ACADM: variants seen among roughly 807,000 people sequenced by gnomAD.
The protein encoded by ACADM is medium-chain specific acyl-CoA dehydrogenase, mitochondrial.
Under a neutral mutation model 58.9 loss-of-function variants are expected in ACADM, and 49 were observed. The observed-to-expected ratio is 0.83, with a 90% CI of 0.66 to 1.06. ACADM has a LOEUF of 1.06. Among genes scored for constraint, ACADM ranks in the 50% least tolerant of loss-of-function variants. ACADM has a pLI of 0.00. For synonymous variants in ACADM, 160 were observed against 157.7 expected (o/e 1.01, Z -0.11); for missense variants, 496 against 507.0 (o/e 0.98, Z 0.21).
At chr1:75,729,258 A>G (rs1245877224) in intron 2 of ACADM, among the ~76,000 whole-genome samples, 1 of 138,538 alleles carries the variant, frequency 7.2e-6, no homozygotes, top group African/African-American at 2.7e-5. Context: ...CCAGAATTTA[A>G]TGAAATTTTT....
chr1:75,751,667 T>G (rs543148635), intron 10 of ACADM, among the ~76,000 whole-genome samples: 1 of 151,876 alleles, frequency 6.6e-6, no homozygotes, highest in South Asian at 2.1e-4. Context: ...CCCAGCAAAT[T>G]TTGATATTTT....
intron 2 of ACADM, 43 bp downstream of exon 2, chr1:75,728,531 T>C (rs756047234): frequency 3.8e-6 from 5 of 1,313,760 alleles, no homozygotes; most frequent in East Asian, 2.5e-5. Flanking sequence ...CTTATACATA[T>C]GAAGCTTTAT....
chr1:75,760,020 C>T (rs575636612), intron 10 of ACADM, among the ~76,000 whole-genome samples: 1 of 151,886 alleles, frequency 6.6e-6, no homozygotes, highest in South Asian at 2.1e-4. Flanking sequence ...ACCTGTAATC[C>T]TAGCATTTTG....
rs796117827 is a variant in ACADM at position 75,728,544 on chromosome 1, GT to G, written c.118+60del. 1,251,996 of 1,252,014 alleles carry G rather than the reference GT, an allele frequency of 1. 625,989 individuals carry two copies. Among genetic ancestry groups the G allele is most frequent in the Middle Eastern group, 1 (5,366 of 5,366 alleles). 77.6% of individuals were successfully genotyped at this position (1,252,014 alleles called of 1,614,324 possible). On this transcript the variant is annotated intron_variant, in intron 2 of 11. Coordinates refer to ENST00000370841, the MANE Select transcript of ACADM (RefSeq NM_000016.6). Reference sequence around the variant, plus strand: ...AACTTATACATATGAAGCTTTATATGTTTTGTTTGGAATATGTTTGTAAATA... The same window carrying G: ...AACTTATACATATGAAGCTTTATATGTTTGTTTGGAATATGTTTGTAAATA...
chr1:75,756,847 G>A (rs553759961), intron 10 of ACADM, among the ~76,000 whole-genome samples: 13 of 152,212 alleles, frequency 8.5e-5, no homozygotes, highest in East Asian at 1.9e-4. Context: ...GCATGGTACT[G>A]GTACCAAAAC....
At chr1:75,730,043 G>A (rs1412687679) in intron 2 of ACADM, among the ~76,000 whole-genome samples, 1 of 151,376 alleles carries the variant, frequency 6.6e-6, no homozygotes, top group Non-Finnish European at 1.5e-5. Flanking sequence ...TACAGGTGTG[G>A]GCCACCATAC....
In ACADM at chr1:75,762,027, A is replaced by T. The variant is rs531742168; in HGVS notation, c.1194+657A>T. ...TGAGAAGGAATGTTACACGTAGTGC[A>T]GCCTCTCCATGTAGACATGAAAAAA... On this transcript the variant is annotated intron_variant, in intron 11 of 11. Transcript: ENST00000370841. Among the ~76,000 whole-genome samples the T allele has an allele frequency of 5.9e-5, 9 of 152,376 alleles. No individual in the cohort carries two copies. The South Asian group carries it at 1.2e-3, about 21-fold the overall frequency.
At chr1:75,726,621 G>C (rs750613621) in intron 1 of ACADM, among the ~76,000 whole-genome samples, 4 of 152,066 alleles carry the variant, frequency 2.6e-5, no homozygotes, top group Non-Finnish European at 4.4e-5. Context: ...GAGTGACTTT[G>C]CCTAATTTAG....
At chr1:75,726,671 G>C (rs1335402596) in intron 1 of ACADM, among the ~76,000 whole-genome samples, 5 of 152,094 alleles carry the variant, frequency 3.3e-5, no homozygotes, top group Non-Finnish European at 4.4e-5. Flanking sequence ...TGCGAAAGTG[G>C]AATAAAAGTA....
intron 6 of ACADM, 46 bp downstream of exon 6, chr1:75,734,917 C>G (rs1204150391): frequency 7.0e-7 from 1 of 1,421,534 alleles, no homozygotes; most frequent in African/African-American, 1.4e-5. Context: ...AAGAAGGGAA[C>G]AAAGGTGCTA....
At chr1:75,756,723 T>G (rs913942177) in intron 10 of ACADM, among the ~76,000 whole-genome samples, 4 of 152,180 alleles carry the variant, frequency 2.6e-5, no homozygotes, top group Non-Finnish European at 5.9e-5. Context: ...TTAAAGTTCA[T>G]ATGGAACCAA....
In ACADM at chr1:75,732,642, A is replaced by G. The variant is rs1376804614; in HGVS notation, c.119-2A>G. 6.2e-7 allele frequency: 1 copy of G among 1,612,352 alleles called. No homozygotes were observed. The highest frequency in any genetic ancestry group is 2.2e-5 in the East Asian group (1 of 44,824). ...TAACTTTTCTAAATAATTTTCCCTT[A>G]GAGTTCACCGAACAGCAGAAAGAAT... On this transcript the variant is annotated splice_acceptor_variant, in intron 2 of 11. Transcript: ENST00000370841. LOFTEE classifies it high-confidence loss of function.
At chr1:75,749,697 C>A in intron 9 of ACADM, 138 bp downstream of exon 9, 86 of 618,336 alleles carry the variant, frequency 1.4e-4, no homozygotes, top group Middle Eastern at 9.8e-4. Context: ...AGGAAAAATA[C>A]TGTTACTTTT....
intron 7 of ACADM, among the ~76,000 whole-genome samples, chr1:75,740,878 A>C (rs1647529506): frequency 6.6e-6 from 1 of 152,194 alleles, no homozygotes; most frequent in African/African-American, 2.4e-5. Flanking sequence ...CATTAGGAGG[A>C]GCCTACAAAA....
rs979829410 is a variant in ACADM, at chr1:75,750,581, A to G, written c.945+35A>G. The G allele has an allele frequency of 3.0e-6, 4 of 1,328,738 alleles. No homozygotes were observed. The African/African-American group carries it at 5.8e-5, about 19-fold the overall frequency. The allele number at this position is 1,328,738 out of a possible 1,614,324, so 82.3% of individuals were successfully genotyped here. ...ATACTGCTTGCTTTGTTCAAATGTA[A>G]AGACACTCATTTTCATTTAATATTT... is the stretch of plus-strand genomic sequence containing the variant. On this transcript the variant is annotated intron_variant, in intron 10 of 11. Transcript: ENST00000370841.
intron 5 of ACADM, among the ~76,000 whole-genome samples, chr1:75,734,400 C>T (rs1347059294): frequency 6.7e-6 from 1 of 148,698 alleles, no homozygotes; most frequent in Non-Finnish European, 1.5e-5. Flanking sequence ...TGGTCTCTAT[C>T]TCTTGACCTC....
At chr1:75,751,895 G>A (rs1648226155) in intron 10 of ACADM, among the ~76,000 whole-genome samples, 1 of 151,750 alleles carries the variant, frequency 6.6e-6, no homozygotes, top group African/African-American at 2.4e-5. Context: ...AATTTCCAGG[G>A]TAATTCTTAA....
intron 7 of ACADM, among the ~76,000 whole-genome samples, chr1:75,745,002 C>T (rs896608253): frequency 2.0e-5 from 3 of 152,176 alleles, no homozygotes; most frequent in Non-Finnish European, 4.4e-5. Context: ...TATAGTCCCT[C>T]CTTATCCTTG....
intron 6 of ACADM, among the ~76,000 whole-genome samples, chr1:75,737,342 G>GAAAAGAA (rs1647330333): frequency 1.4e-5 from 1 of 73,524 alleles, no homozygotes; most frequent in African/African-American, 5.3e-5. Flanking sequence ...CCAAAAAGAA[G>GAAAAGAA]AAAAGAAGAC....
Sources: gnomAD v4.1 joint callset for allele counts (sites outside exome capture counted in the v4.1 genomes callset) on GRCh38, gnomAD v4.1.1 for gene constraint, MANE v1.5 for transcripts, NCBI Gene and HGNC (gene_info 2026-07-23, HGNC 2026-07-21) for gene names.